The following MAP2K2 variants were observed in gnomAD, a reference collection of about 807,000 sequenced individuals.
MAP2K2 encodes the protein mitogen-activated protein kinase kinase 2.
A neutral mutation model predicts 43.7 loss-of-function variants in MAP2K2; 24 were observed. The ratio of observed to expected loss-of-function variants is 0.55; its 90% CI spans 0.40 to 0.77. The LOEUF (loss-of-function observed/expected upper bound fraction) is 0.77. Ranked by LOEUF, MAP2K2 falls within the 30% of genes least tolerant of loss-of-function variation. MAP2K2 has a pLI of 0.00. For synonymous variants in MAP2K2, 244 were observed against 239.7 expected, an observed-to-expected ratio of 1.02 and a Z score of -0.17; for missense variants, 470 against 566.8, an observed-to-expected ratio of 0.83 and a Z score of 1.73.
At chr19:4,118,001 G>T (rs190659121) in intron 1 of MAP2K2, among the ~76,000 whole-genome samples, 1 of 151,916 alleles carries the variant, frequency 6.6e-6, no homozygotes, top group Admixed American at 6.6e-5. Flanking sequence ...GCAGTGGCGC[G>T]ATCTCGGCTC....
At chr19:4,116,256 C>A (rs552266800) in intron 2 of MAP2K2, among the ~76,000 whole-genome samples, 2 of 152,312 alleles carry the variant, frequency 1.3e-5, no homozygotes, top group Non-Finnish European at 2.9e-5. Context: ...CCTGCCCAGG[C>A]GCGGTGGCTC....
intron 10 of MAP2K2, among the ~76,000 whole-genome samples, chr19:4,091,973 C>T (rs1195017581): frequency 1.3e-5 from 2 of 152,142 alleles, no homozygotes; most frequent in Non-Finnish European, 2.9e-5. Context: ...TCAACAGCCA[C>T]GTGTGACCAG....
intron 3 of MAP2K2, among the ~76,000 whole-genome samples, chr19:4,107,830 G>A (rs1461821607): frequency 6.6e-6 from 1 of 152,224 alleles, no homozygotes; most frequent in Non-Finnish European, 1.5e-5. Flanking sequence ...CAACACCTGT[G>A]CGTGCCGGGT....
At chr19:4,094,847 C>T (rs990866485) in intron 9 of MAP2K2, 3 of 425,568 alleles carry the variant, frequency 7.0e-6, no homozygotes, top group Middle Eastern at 6.5e-4. Context: ...GCCAAGGGCC[C>T]GGGGCAACTC....
At chr19:4,116,651 C>T (rs1488195461) in intron 2 of MAP2K2, among the ~76,000 whole-genome samples, 2 of 152,112 alleles carry the variant, frequency 1.3e-5, no homozygotes, top group African/African-American at 2.4e-5. Context: ...CTCTGTACAG[C>T]GCAGTGCTGA....
At chr19:4,107,262 G>A (rs1004243053) in intron 3 of MAP2K2, among the ~76,000 whole-genome samples, 5 of 151,822 alleles carry the variant, frequency 3.3e-5, no homozygotes, top group Non-Finnish European at 7.4e-5. Context: ...GGTGGCTCAC[G>A]CCTGTAATCC....
intron 9 of MAP2K2, 58 bp downstream of exon 9, chr19:4,095,330 G>C (rs117245135): frequency 6.7e-7 from 1 of 1,495,062 alleles, no homozygotes; most frequent in Non-Finnish European, 9.1e-7. Flanking sequence ...CCCAGGACCC[G>C]GAAGGAGTGG....
At chr19:4,099,646 T>C in intron 6 of MAP2K2, 1 of 584,182 alleles carries the variant, frequency 1.7e-6, no homozygotes. Context: ...ACCGCAGCTC[T>C]TGAAGAGCCT....
At chr19:4,094,346 C>T (rs1287124811) in intron 10 of MAP2K2, 107 bp downstream of exon 10, 8 of 1,226,930 alleles carry the variant, frequency 6.5e-6, no homozygotes, top group East Asian at 2.5e-5. Context: ...ACATCCTGGT[C>T]GCAGGTGCTG....
At chr19:4,112,059 A>T (rs1180271440) in intron 2 of MAP2K2, among the ~76,000 whole-genome samples, 1 of 152,238 alleles carries the variant, frequency 6.6e-6, no homozygotes, top group Admixed American at 6.5e-5. Context: ...GACCCCCAGC[A>T]TGGCAAGGAG....
rs1372966914 is a variant in MAP2K2, at chr19:4,115,451, C to T, written c.303+1968G>A. On this transcript the variant is annotated intron_variant, in intron 2 of 10. Transcript: ENST00000262948. This position sits in a 1 kb window ranked among gnomAD's most constrained non-coding sequence, Gnocchi z 4.1. ...CAGAAGCCTGAGGGTCCCTGGCACA[C>T]ACGAGGACTGGCACTGTCTCAAGGC... Among the ~76,000 whole-genome samples the T allele has an allele frequency of 6.6e-6, 1 of 152,220 alleles. No homozygotes were observed. Among genetic ancestry groups the T allele is most frequent in the Non-Finnish European group, 1.5e-5 (1 of 68,034 alleles).
chr19:4,116,037 AC>A (rs2041216676), intron 2 of MAP2K2, among the ~76,000 whole-genome samples: 2 of 152,198 alleles, frequency 1.3e-5, no homozygotes, highest in South Asian at 4.1e-4. Flanking sequence ...GGGCTTGCAG[AC>A]TTTCAAAGGG....
chr19:4,099,189 T>G lies in MAP2K2; in HGVS notation c.919+12A>C, dbSNP rs350911. On this transcript the variant is annotated intron_variant, in intron 7 of 10. Transcript: ENST00000262948. ...GCGCGTCCAGACCGGAAGTTGCAGA[T>G]TCAGGCCGTACCGCTGACGGGGCGC... 3.1e-6 allele frequency: 5 copies of G among 1,590,962 alleles called. No individual in the cohort carries two copies. Among genetic ancestry groups the G allele is most frequent in the Non-Finnish European group, 4.3e-6 (5 of 1,170,066 alleles).
intron 10 of MAP2K2, among the ~76,000 whole-genome samples, chr19:4,093,362 A>C (rs1334013434): frequency 6.6e-6 from 1 of 152,148 alleles, no homozygotes; most frequent in Non-Finnish European, 1.5e-5. Flanking sequence ...GCACCACTGC[A>C]TTCCAGCCTG....
At chr19:4,110,020 T>C (rs959738182) in intron 3 of MAP2K2, among the ~76,000 whole-genome samples, 9 of 152,134 alleles carry the variant, frequency 5.9e-5, no homozygotes, top group East Asian at 1.9e-4. Context: ...AACAAAATCA[T>C]TGGCTGGGCG....
At chr19:4,106,914 A>G (rs1599296448) in intron 3 of MAP2K2, among the ~76,000 whole-genome samples, 1 of 151,966 alleles carries the variant, frequency 6.6e-6, no homozygotes, top group Admixed American at 6.6e-5. Context: ...ATAGGACGAG[A>G]CCCCCAGAAA....
chr19:4,113,815 C>T (rs888668675), intron 2 of MAP2K2, among the ~76,000 whole-genome samples: 5 of 152,094 alleles, frequency 3.3e-5, no homozygotes, highest in African/African-American at 4.8e-5. Flanking sequence ...CACTGAGTGT[C>T]AGCGAGAGCA....
intron 1 of MAP2K2, among the ~76,000 whole-genome samples, chr19:4,120,669 A>C (rs928750051): frequency 6.6e-6 from 1 of 152,190 alleles, no homozygotes; most frequent in Non-Finnish European, 1.5e-5. Context: ...ACTGCTCAAA[A>C]CATTGAAAAT....
chr19:4,100,891 G>T, intron 6 of MAP2K2, 128 bp downstream of exon 6: 1 of 1,103,320 alleles, frequency 9.1e-7, no homozygotes, highest in Non-Finnish European at 1.3e-6. Flanking sequence ...AGAACTGGGA[G>T]GGACAGCTGC....
Sources: gnomAD v4.1 joint callset for allele counts (sites outside exome capture counted in the v4.1 genomes callset) on GRCh38, gnomAD v4.1.1 for gene constraint, Gnocchi (gnomAD v3.1) non-coding constraint, MANE v1.5 for transcripts, NCBI Gene and HGNC (gene_info 2026-07-23, HGNC 2026-07-21) for gene names.